The following C11orf65 variants were observed in gnomAD, a reference collection of about 807,000 sequenced individuals.
C11orf65 encodes chromosome 11 open reading frame 65.
In C11orf65, 38 loss-of-function variants were observed where a neutral mutation model predicts 35.3. The observed-to-expected ratio is 1.08, with a 90% CI of 0.83 to 1.41. C11orf65 has a LOEUF of 1.41. Ranked by LOEUF, C11orf65 falls within the 40% of genes most tolerant of loss-of-function variation. C11orf65 has a pLI of 0.00. For missense variants in C11orf65, 370 were observed against 367.1 expected, an observed-to-expected ratio of 1.01 and a Z score of -0.06; for synonymous variants, 105 against 114.4, an observed-to-expected ratio of 0.92 and a Z score of 0.53.
intron 2 of C11orf65, among the ~76,000 whole-genome samples, chr11:108,447,625 A>T (rs1242373780): frequency 6.6e-6 from 1 of 152,144 alleles, no homozygotes; most frequent in East Asian, 1.9e-4. Flanking sequence ...TCTGGGACAC[A>T]TTCAAAGCAG....
intron 2 of C11orf65, among the ~76,000 whole-genome samples, chr11:108,455,099 A>G (rs2093396771): frequency 6.6e-6 from 1 of 152,120 alleles, no homozygotes; most frequent in African/African-American, 2.4e-5. Context: ...TATATTCCTT[A>G]ATTTACCTTT....
rs1565489916 is a variant in C11orf65 at position 108,310,258 on chromosome 11, C to G, written c.641-1187G>C. ...CAGTCTTGTGCTGCTCACTTTACAG[C>G]TTTACTCTATGCAGAAATCTATGCA... On this transcript the variant is annotated intron_variant, in intron 6 of 6. Transcript: ENST00000525729. 2 of 1,613,420 alleles carry G rather than the reference C, an allele frequency of 1.2e-6. No individual in the cohort carries two copies. Among genetic ancestry groups the G allele is most frequent in the Non-Finnish European group, 1.7e-6 (2 of 1,179,610 alleles).
At chr11:108,313,298 C>A (rs1302923508) in intron 6 of C11orf65, among the ~76,000 whole-genome samples, 2 of 152,184 alleles carry the variant, frequency 1.3e-5, no homozygotes, top group African/African-American at 4.8e-5. Context: ...CCCTTTCTCA[C>A]AAAGACAAAA....
chr11:108,456,753 G>C (rs2093415199), intron 2 of C11orf65, among the ~76,000 whole-genome samples: 1 of 151,072 alleles, frequency 6.6e-6, no homozygotes. Context: ...CTCTAGCATG[G>C]GCAAAAGAGT....
In C11orf65 at chr11:108,347,318, A is replaced by G. The variant is rs587782451; in HGVS notation, c.227-12026T>C. ...GGACTTGGTGATAGACATGTACAGA[A>G]TATCTTGATAAATGAGCAGTCAGCA... On this transcript the variant is annotated intron_variant, in intron 2 of 3. Coordinates refer to the C11orf65 transcript ENST00000524755. The G allele has an allele frequency of 1.2e-6, 2 of 1,611,798 alleles. No individual in the cohort carries two copies. The highest frequency in any genetic ancestry group is 1.3e-5 in the African/African-American group (1 of 74,980).
intron 3 of C11orf65, among the ~76,000 whole-genome samples, chr11:108,422,034 C>A (rs1174112743): frequency 2.0e-5 from 3 of 152,122 alleles, no homozygotes; most frequent in South Asian, 2.1e-4. Flanking sequence ...CTGGCCCAAG[C>A]GATTCTCCTG....
At position 108,383,052 on chromosome 11, in the gene C11orf65, C is replaced by A; in HGVS notation, c.911G>T (p.Arg304Ile). 6.2e-7 allele frequency: 1 copy of A among 1,610,292 alleles called. No individual in the cohort carries two copies. The highest frequency in any genetic ancestry group is 8.5e-7 in the Non-Finnish European group (1 of 1,179,132). Residue 304 changes from arginine (R) to isoleucine (I), a missense_variant, in exon 9 of 9, where the codon AGA becomes ATA. By Grantham distance (97) the Arg-to-Ile change is moderately conservative (BLOSUM62 -3). Transcript: ENST00000393084. ...TCCATAAGTAGAATCAGGCGTTAATCTAGTTACATTTGGTTCTTGATAAAC... is the reference window on the plus strand; with the variant it reads ...TCCATAAGTAGAATCAGGCGTTAATATAGTTACATTTGGTTCTTGATAAAC... Reference protein sequence around the residue: ...ENVYQEPNVTRLTPDSTYGL With the variant: ...ENVYQEPNVTILTPDSTYGL
At chr11:108,399,045 T>C (rs536083900) in intron 6 of C11orf65, among the ~76,000 whole-genome samples, 2 of 152,186 alleles carry the variant, frequency 1.3e-5, no homozygotes, top group Admixed American at 1.3e-4. Context: ...CAGAACAACT[T>C]TGGTGAGGGG....
At position 108,359,473 on chromosome 11, in the gene C11orf65, C is replaced by T. The variant is rs561889688; in HGVS notation, c.227-24181G>A. On this transcript the variant is annotated intron_variant, in intron 2 of 3. Transcript: ENST00000524755. ...AATAGACATCTACAGAACTCTCCAC[C>T]CCAAATCAACAGAATATACATTTTT... is the stretch of plus-strand genomic sequence containing the variant. Among the ~76,000 whole-genome samples, 4 of 152,122 alleles carry T rather than the reference C, an allele frequency of 2.6e-5. No homozygotes were observed. The East Asian group carries it at 5.8e-4, about 22-fold the overall frequency.
At chr11:108,376,884 A>T (rs2091742744) in intron 2 of C11orf65, among the ~76,000 whole-genome samples, 2 of 151,998 alleles carry the variant, frequency 1.3e-5, no homozygotes, top group African/African-American at 2.4e-5. Flanking sequence ...ATCTAGAAGA[A>T]ATGGATAAAT....
chr11:108,350,033 G>A (rs964402156), intron 2 of C11orf65, among the ~76,000 whole-genome samples: 1 of 152,158 alleles, frequency 6.6e-6, no homozygotes, highest in African/African-American at 2.4e-5. Context: ...CTAAGAATTG[G>A]AGGGATGGTA....
chr11:108,467,241 AAGG>A (rs1244220966), intron 1 of C11orf65, among the ~76,000 whole-genome samples: 1 of 152,076 alleles, frequency 6.6e-6, no homozygotes, highest in Non-Finnish European at 1.5e-5. Context: ...AGGGCGAGGA[AAGG>A]AGCTCTGAGG....
downstream of C11orf65, among the ~76,000 whole-genome samples, chr11:108,378,939 AC>A (rs200466982): frequency 0.012 from 1,876 of 152,184 alleles, 54 homozygotes; most frequent in African/African-American, 0.042. Context: ...TACATCTCAC[AC>A]CAGTTAGAGT....
chr11:108,422,142 C>A (rs1190268704), intron 3 of C11orf65, among the ~76,000 whole-genome samples: 1 of 152,114 alleles, frequency 6.6e-6, no homozygotes, highest in African/African-American at 2.4e-5. Context: ...GTTGGCCAGG[C>A]TGGTCTCGAA....
intron 2 of C11orf65, among the ~76,000 whole-genome samples, chr11:108,444,557 C>G (rs1338158508): frequency 6.6e-6 from 1 of 152,098 alleles, no homozygotes; most frequent in Non-Finnish European, 1.5e-5. Flanking sequence ...AACATCGATG[C>G]AAAAACCCTC....
At chr11:108,413,101 C>T (rs983364467) in intron 3 of C11orf65, among the ~76,000 whole-genome samples, 5 of 152,146 alleles carry the variant, frequency 3.3e-5, no homozygotes, top group South Asian at 4.1e-4. Flanking sequence ...AACACTTCTT[C>T]GAACAACAGA....
At chr11:108,385,023 A>G (rs2091956629) in intron 8 of C11orf65, among the ~76,000 whole-genome samples, 1 of 152,214 alleles carries the variant, frequency 6.6e-6, no homozygotes. Context: ...AACTATTTTC[A>G]ACATTTTGAG....
chr11:108,357,769 G>T (rs1243362503), intron 2 of C11orf65, among the ~76,000 whole-genome samples: 3 of 152,088 alleles, frequency 2.0e-5, no homozygotes, highest in Non-Finnish European at 2.9e-5. Flanking sequence ...AAACAGAAAG[G>T]ATATCCACAC....
chr11:108,384,633 C>T (rs1342114040), intron 8 of C11orf65, among the ~76,000 whole-genome samples: 1 of 151,862 alleles, frequency 6.6e-6, no homozygotes, highest in African/African-American at 2.4e-5. Context: ...ATTAGCTGGG[C>T]ATGGTGGTGT....
Sources: allele counts gnomAD v4.1 joint callset (sites outside exome capture counted in the v4.1 genomes callset), GRCh38; gene constraint gnomAD v4.1.1; transcripts MANE v1.5; gene names NCBI Gene and HGNC (gene_info 2026-07-23, HGNC 2026-07-21).